Variants in HIVEP3 observed in about 807,000 individuals in gnomAD.
HIVEP3 encodes the protein HIVEP zinc finger 3.
In HIVEP3, 49 loss-of-function variants were observed where a neutral mutation model predicts 152.8. The observed-to-expected ratio is 0.32, with a 90% CI of 0.26 to 0.41. HIVEP3 has a LOEUF of 0.41. HIVEP3 is among the 10% of genes least tolerant of loss of function. HIVEP3 has a pLI of 1.00. For synonymous variants in HIVEP3, 1,269 were observed against 1,289.0 expected, an observed-to-expected ratio of 0.98 and a Z score of 0.33; for missense variants, 2,790 against 3,103.3, an observed-to-expected ratio of 0.90 and a Z score of 2.40.
upstream of HIVEP3, among the ~76,000 whole-genome samples, chr1:41,921,853 T>C (rs1644943403): frequency 6.6e-6 from 1 of 152,016 alleles, no homozygotes; most frequent in South Asian, 2.1e-4. Flanking sequence ...AGCCAAAGGT[T>C]GAATAGGGGC....
chr1:41,953,733 A>C (rs1346896561), intron 1 of HIVEP3, among the ~76,000 whole-genome samples: 2 of 152,222 alleles, frequency 1.3e-5, no homozygotes, highest in Non-Finnish European at 2.9e-5. Flanking sequence ...AAAGAAACCA[A>C]GGAGGAAAAT....
In HIVEP3 at chr1:41,662,102, G is replaced by C. The variant is rs1171765293; in HGVS notation, c.-720-33155C>G. 1 of 151,454 alleles carries C rather than the reference G, an allele frequency of 6.6e-6. No homozygotes were observed. Among genetic ancestry groups the C allele is most frequent in the Non-Finnish European group, 1.5e-5 (1 of 68,166 alleles). The allele number at this position is 151,454 out of a possible 1,614,324, so 9.4% of individuals were successfully genotyped here. A position where few individuals can be genotyped will look rare whatever the true frequency, so the allele number is the denominator to read the frequency against. On this transcript the variant is annotated intron_variant, in intron 2 of 8. Coordinates refer to ENST00000372583, the MANE Select transcript of HIVEP3 (RefSeq NM_024503.5). This position sits in a 1 kb window ranked among gnomAD's most constrained non-coding sequence, Gnocchi z 7.2. ...GTCCCTGGGCTGCCAGGCCGCGGCGGGGGCGCGGCGCGCGGGGCGCTCGTT... is the reference window on the plus strand; with the variant it reads ...GTCCCTGGGCTGCCAGGCCGCGGCGCGGGCGCGGCGCGCGGGGCGCTCGTT...
At chr1:42,021,432 T>G (rs1645553162) in intron 1 of HIVEP3, among the ~76,000 whole-genome samples, 1 of 152,092 alleles carries the variant, frequency 6.6e-6, no homozygotes, top group Non-Finnish European at 1.5e-5. Flanking sequence ...TGCTGCCATT[T>G]TATGAGCCTG....
At chr1:41,780,115 G>A (rs145354896) in intron 1 of HIVEP3, among the ~76,000 whole-genome samples, 54 of 152,338 alleles carry the variant, frequency 3.5e-4, no homozygotes, top group African/African-American at 1.3e-3. Flanking sequence ...CAATGATCAG[G>A]GAGGAGAGAA....
chr1:41,895,553 G>C (rs1397392100), intron 1 of HIVEP3, among the ~76,000 whole-genome samples: 1 of 152,220 alleles, frequency 6.6e-6, no homozygotes, highest in Non-Finnish European at 1.5e-5. Flanking sequence ...GTACTGACCA[G>C]AGAAAGGCAC....
At chr1:41,868,000 G>A (rs1212640150) in intron 1 of HIVEP3, among the ~76,000 whole-genome samples, 1 of 147,668 alleles carries the variant, frequency 6.8e-6, no homozygotes, top group Admixed American at 6.9e-5. Flanking sequence ...TCTGAGCAGT[G>A]AAAGCCACCC....
chr1:41,731,990 T>A lies in HIVEP3; in HGVS notation c.-800-30995A>T, dbSNP rs947364491. On this transcript the variant is annotated intron_variant, in intron 1 of 8. Coordinates refer to ENST00000372583, the MANE Select transcript of HIVEP3 (RefSeq NM_024503.5). ...TGTTTCTCTATGGAAGGGTCTGGCA[T>A]GGAACCAGGCCCTCTGGGGCCTATG... Among the ~76,000 whole-genome samples the A allele has an allele frequency of 9.2e-5, 14 of 152,316 alleles. No individual in the cohort carries two copies. In the South Asian group the frequency reaches 2.7e-3, roughly 29 times the overall value.
intron 1 of HIVEP3, among the ~76,000 whole-genome samples, chr1:41,831,491 G>A (rs1263245929): frequency 6.6e-6 from 1 of 152,156 alleles, no homozygotes; most frequent in Non-Finnish European, 1.5e-5. Flanking sequence ...TGCTGAAACG[G>A]AGCTTCCCAG....
At chr1:42,010,028 G>A (rs1023306075) in intron 1 of HIVEP3, among the ~76,000 whole-genome samples, 4 of 151,962 alleles carry the variant, frequency 2.6e-5, no homozygotes, top group Non-Finnish European at 5.9e-5. Context: ...CTGAGTAGCT[G>A]GGATTACAGG....
At chr1:42,021,156 T>C (rs558528145) in intron 1 of HIVEP3, among the ~76,000 whole-genome samples, 3 of 152,210 alleles carry the variant, frequency 2.0e-5, no homozygotes, top group Non-Finnish European at 2.9e-5. Context: ...GTGTGTAGAA[T>C]AGACCATAAG....
chr1:41,937,644 G>A (rs1645026280), intron 1 of HIVEP3, among the ~76,000 whole-genome samples: 1 of 152,194 alleles, frequency 6.6e-6, no homozygotes, highest in Non-Finnish European at 1.5e-5. Context: ...AAGTGATGAT[G>A]CATATGGCTC....
At chr1:41,981,792 G>A (rs1645295495) in intron 1 of HIVEP3, among the ~76,000 whole-genome samples, 1 of 152,196 alleles carries the variant, frequency 6.6e-6, no homozygotes, top group Non-Finnish European at 1.5e-5. Context: ...TAAAGGTGAA[G>A]GAAGAGAAGG....
chr1:41,622,975 A>G (rs1419435486), intron 3 of HIVEP3, among the ~76,000 whole-genome samples: 1 of 152,212 alleles, frequency 6.6e-6, no homozygotes, highest in Non-Finnish European at 1.5e-5. Flanking sequence ...TCTCCATCCT[A>G]CTGATGAGGC....
intron 1 of HIVEP3, among the ~76,000 whole-genome samples, chr1:41,879,496 T>C (rs1221757166): frequency 6.6e-6 from 1 of 152,244 alleles, no homozygotes; most frequent in Non-Finnish European, 1.5e-5. Flanking sequence ...TAAGTTTCCT[T>C]ATTGAAGCCA....
chr1:41,810,677 T>C lies in HIVEP3; in HGVS notation c.-801+107736A>G, dbSNP rs1010031592. On this transcript the variant is annotated intron_variant, in intron 1 of 8. Transcript: ENST00000372583. ...TCTCCAAGGTACTGACCCTCATTCC[T>C]GGCTGGGCCCCTAAAAACAGTGTCA... Among the ~76,000 whole-genome samples the C allele has an allele frequency of 2.6e-5, 4 of 152,372 alleles. No homozygotes were observed. In the South Asian group the frequency reaches 6.2e-4, roughly 24 times the overall value.
chr1:41,687,700 A>G (rs1646134793), intron 2 of HIVEP3, among the ~76,000 whole-genome samples: 2 of 152,232 alleles, frequency 1.3e-5, no homozygotes, highest in African/African-American at 4.8e-5. Flanking sequence ...TCAGTGCAGA[A>G]CTGGGAATTT....
chr1:42,016,972 G>T (rs974612550), intron 1 of HIVEP3, among the ~76,000 whole-genome samples: 11 of 152,228 alleles, frequency 7.2e-5, no homozygotes, highest in African/African-American at 2.6e-4. Context: ...CTCCAAAAAT[G>T]CTGTAGAAAC....
chr1:41,743,304 C>A (rs528720102), intron 1 of HIVEP3, among the ~76,000 whole-genome samples: 1 of 152,288 alleles, frequency 6.6e-6, no homozygotes, highest in East Asian at 1.9e-4. Context: ...AAGGTAGACA[C>A]CCACCAACTG....
chr1:41,728,010 G>T (rs951251094), intron 1 of HIVEP3, among the ~76,000 whole-genome samples: 1 of 152,212 alleles, frequency 6.6e-6, no homozygotes, highest in Non-Finnish European at 1.5e-5. Context: ...CTGGGGAACA[G>T]ACAGGGAGAG....
Sources: gnomAD v4.1 joint callset for allele counts (sites outside exome capture counted in the v4.1 genomes callset) on GRCh38, gnomAD v4.1.1 for gene constraint, Gnocchi (gnomAD v3.1) non-coding constraint, MANE v1.5 for transcripts, NCBI Gene and HGNC (gene_info 2026-07-23, HGNC 2026-07-21) for gene names.